Variants in XKR4 observed in about 807,000 individuals in gnomAD.
XKR4 encodes the protein XK-related protein 4.
In XKR4, 12 loss-of-function variants were observed where a neutral mutation model predicts 53.9. The observed-to-expected ratio is 0.22, with a 90% confidence interval of 0.14 to 0.36. XKR4 has a LOEUF of 0.36. Ranked by LOEUF, XKR4 falls within the 10% of genes least tolerant of loss-of-function variation. XKR4 has a pLI of 1.00. For missense variants in XKR4, 799 were observed against 859.5 expected (o/e 0.93, Z 0.88); for synonymous variants, 354 against 362.4 (o/e 0.98, Z 0.26).
chr8:55,462,539 A>G (rs958473726), intron 2 of XKR4, among the ~76,000 whole-genome samples: 143 of 152,308 alleles, frequency 9.4e-4, no homozygotes, highest in Middle Eastern at 3.4e-3. Flanking sequence ...TGTAAAGACC[A>G]TCAAGGCTAG....
chr8:55,124,473 T>A (rs1816434700), intron 1 of XKR4, among the ~76,000 whole-genome samples: 1 of 152,232 alleles, frequency 6.6e-6, no homozygotes, highest in Non-Finnish European at 1.5e-5. Context: ...AGCTCATGAT[T>A]GTTTATTATT....
chr8:55,279,803 A>C (rs537365662), intron 1 of XKR4, among the ~76,000 whole-genome samples: 1 of 152,276 alleles, frequency 6.6e-6, no homozygotes, highest in South Asian at 2.1e-4. Flanking sequence ...TGTTCCCAGA[A>C]AGACATATCT....
intron 2 of XKR4, among the ~76,000 whole-genome samples, chr8:55,396,412 T>C: frequency 6.9e-6 from 1 of 144,358 alleles, no homozygotes; most frequent in East Asian, 2.0e-4. Context: ...TTTTTTTTTT[T>C]TTTTTTGCAG....
At chr8:55,157,184 A>G (rs1156470937) in intron 1 of XKR4, among the ~76,000 whole-genome samples, 1 of 152,224 alleles carries the variant, frequency 6.6e-6, no homozygotes, top group Non-Finnish European at 1.5e-5. Flanking sequence ...TCTGTTGACT[A>G]ACATTGATTG....
At chr8:55,463,843 AACAC>A (rs1805706093) in intron 2 of XKR4, among the ~76,000 whole-genome samples, 3 of 152,158 alleles carry the variant, frequency 2.0e-5, no homozygotes, top group African/African-American at 4.8e-5. Flanking sequence ...GAATACTATA[AACAC>A]CTCTACACAA....
At chr8:55,516,898 T>C (rs965998433) in intron 2 of XKR4, among the ~76,000 whole-genome samples, 10 of 151,946 alleles carry the variant, frequency 6.6e-5, no homozygotes, top group Non-Finnish European at 1.3e-4. Context: ...GAGGATTGGA[T>C]TAAAAAAAAT....
intron 1 of XKR4, among the ~76,000 whole-genome samples, chr8:55,334,847 G>A (rs760000877): frequency 1.2e-4 from 18 of 152,120 alleles, no homozygotes; most frequent in Non-Finnish European, 2.4e-4. Context: ...GTGACCTCTA[G>A]TCCTGTGTGA....
At position 55,177,324 on chromosome 8, in the gene XKR4, A is replaced by G. The variant is rs111941661; in HGVS notation, c.806+74030A>G. On this transcript the variant is annotated intron_variant, in intron 1 of 2. Coordinates refer to ENST00000327381, the MANE Select transcript of XKR4 (RefSeq NM_052898.2). ...AGTGCTGGGATTACAGGCGTGAGCC[A>G]CCATGCCTGACCACTTCTTAACTAT... 2.4e-3 allele frequency among the ~76,000 whole-genome samples: 364 copies of G among 152,328 alleles called. 1 individual carries two copies. The highest frequency in any genetic ancestry group is 8.2e-3 in the African/African-American group (342 of 41,576).
intron 2 of XKR4, among the ~76,000 whole-genome samples, chr8:55,378,230 A>C (rs1257586955): frequency 6.6e-6 from 1 of 152,238 alleles, no homozygotes; most frequent in Non-Finnish European, 1.5e-5. Context: ...ATTCTTATAA[A>C]TTTACACTAT....
chr8:55,242,784 G>C (rs1388781136), intron 1 of XKR4, among the ~76,000 whole-genome samples: 1 of 152,166 alleles, frequency 6.6e-6, no homozygotes, highest in Non-Finnish European at 1.5e-5. Flanking sequence ...CTCGGATCTA[G>C]TCTGCGGGCA....
At chr8:55,230,363 CT>C (rs5891564) in intron 1 of XKR4, among the ~76,000 whole-genome samples, 2,520 of 138,374 alleles carry the variant, frequency 0.018, 39 homozygotes, top group Middle Eastern at 0.034. Context: ...GAAAGAGACA[CT>C]TTTTTTTTTT....
At chr8:55,165,407 A>C (rs542211445) in intron 1 of XKR4, among the ~76,000 whole-genome samples, 191 of 152,092 alleles carry the variant, frequency 1.3e-3, no homozygotes, top group Non-Finnish European at 2.4e-3. Flanking sequence ...AATCATCTGT[A>C]CCAGCAAATA....
At chr8:55,422,609 A>G (rs572092620) in intron 2 of XKR4, among the ~76,000 whole-genome samples, 2 of 152,362 alleles carry the variant, frequency 1.3e-5, no homozygotes, top group East Asian at 3.9e-4. Context: ...GCAGTGCAAG[A>G]GCAGCTGAGA....
intron 1 of XKR4, among the ~76,000 whole-genome samples, chr8:55,300,598 G>A (rs147559301): frequency 5.3e-4 from 81 of 152,230 alleles, no homozygotes; most frequent in African/African-American, 1.5e-3. Flanking sequence ...CACTGAGGCT[G>A]CAGTGGAGGA....
At position 55,309,932 on chromosome 8, in the gene XKR4, A is replaced by T. The variant is rs925675214; in HGVS notation, c.807-47746A>T. Among the ~76,000 whole-genome samples, 6 of 152,156 alleles carry T rather than the reference A, an allele frequency of 3.9e-5. No individual in the cohort carries two copies. The South Asian group carries it at 6.2e-4, about 16-fold the overall frequency. On this transcript the variant is annotated intron_variant, in intron 1 of 2. Coordinates refer to ENST00000327381, the MANE Select transcript of XKR4 (RefSeq NM_052898.2). ...ATTTAGAGGCTTTTCATTAATGATGATGATATGTCTGAATGTGCCTTATAG... is the reference window on the plus strand; with the variant it reads ...ATTTAGAGGCTTTTCATTAATGATGTTGATATGTCTGAATGTGCCTTATAG...
intron 1 of XKR4, among the ~76,000 whole-genome samples, chr8:55,250,039 T>A (rs936389198): frequency 6.6e-6 from 1 of 152,214 alleles, no homozygotes; most frequent in Non-Finnish European, 1.5e-5. Flanking sequence ...GGAAGTTGTG[T>A]CAGCCTTTTC....
chr8:55,453,634 G>C (rs1260229417), intron 2 of XKR4: 4 of 422,684 alleles, frequency 9.5e-6, no homozygotes, highest in African/African-American at 4.1e-5. Context: ...CCTGGTCCAC[G>C]ATCCACTGCA....
chr8:55,316,082 G>C (rs2129378829), intron 1 of XKR4, among the ~76,000 whole-genome samples: 1 of 152,310 alleles, frequency 6.6e-6, no homozygotes, highest in South Asian at 2.1e-4. Context: ...CAAATGAATG[G>C]AGTCTTAGCA....
In XKR4 at chr8:55,357,761, A is replaced by G. The variant is rs777669279; in HGVS notation, c.890A>G (p.Tyr297Cys). 6.2e-7 allele frequency: 1 copy of G among 1,614,228 alleles called. No homozygotes were observed. Among genetic ancestry groups the G allele is most frequent in the Admixed American group, 1.7e-5 (1 of 60,028 alleles). Residue 297 changes from tyrosine (Y) to cysteine (C), a missense_variant, in exon 2 of 3, where the codon TAT becomes TGT. By Grantham distance (194) the Tyr-to-Cys change is radical (BLOSUM62 -2). Coordinates refer to ENST00000327381, the MANE Select transcript of XKR4 (RefSeq NM_052898.2). ...DRWRFYWKMVYEYADVSMLHL... is the reference protein window; with the variant it reads ...DRWRFYWKMVCEYADVSMLHL... ...TGGAGGTTTTACTGGAAAATGGTAT[A>G]TGAGTATGCGGATGTGAGTATGCTG...
Sources: allele counts gnomAD v4.1 joint callset (sites outside exome capture counted in the v4.1 genomes callset), GRCh38; gene constraint gnomAD v4.1.1; transcripts MANE v1.5; gene names NCBI Gene and HGNC (gene_info 2026-07-23, HGNC 2026-07-21).